KLHL40: variants seen among roughly 807,000 people sequenced by gnomAD.
KLHL40 encodes the protein kelch like family member 40.
Under a neutral mutation model 49.7 loss-of-function variants are expected in KLHL40, and 44 were observed. The ratio of observed to expected loss-of-function variants is 0.89; its 90% CI spans 0.70 to 1.14. The LOEUF (loss-of-function observed/expected upper bound fraction) is 1.14, where lower values mean the gene tolerates loss of function less well. KLHL40 is among the 50% of genes most tolerant of loss of function. The pLI is 0.00. For synonymous variants in KLHL40, 409 were observed against 365.2 expected, an observed-to-expected ratio of 1.12 and a Z score of -1.37; for missense variants, 892 against 850.3, an observed-to-expected ratio of 1.05 and a Z score of -0.61.
chr3:42,686,007 T>A lies in KLHL40; in HGVS notation c.389T>A (p.Leu130His), dbSNP rs2125844624. 6.2e-7 allele frequency: 1 copy of A among 1,611,054 alleles called. No homozygotes were observed. Among genetic ancestry groups the A allele is most frequent in the Non-Finnish European group, 8.5e-7 (1 of 1,179,944 alleles). ...TCCTTCCTGCAGAAGCGCCTGTGCC[T>A]CTCCAACTGCTTGGCCGTCTTCCGT... ...CVSFLQKRLC[L>H]SNCLAVFRLG... The change falls in exon 1 of 6, where the codon CTC becomes CAC. Residue 130 changes from leucine (L) to histidine (H), a missense_variant. By Grantham distance (99) the Leu-to-His change is moderately conservative (BLOSUM62 -3). Coordinates refer to ENST00000287777, the MANE Select transcript of KLHL40 (RefSeq NM_152393.4).
In KLHL40 at chr3:42,690,846, C is replaced by T. The variant is rs1189334321; in HGVS notation, c.1608-13C>T. 1 of 1,584,384 alleles carries T rather than the reference C, an allele frequency of 6.3e-7. No individual in the cohort carries two copies. Among genetic ancestry groups the T allele is most frequent in the East Asian group, 2.2e-5 (1 of 44,494 alleles). On this transcript the variant is annotated splice_polypyrimidine_tract_variant and intron_variant, in intron 4 of 5. Coordinates refer to ENST00000287777, the MANE Select transcript of KLHL40 (RefSeq NM_152393.4). ...GAGGCATCCCAATGATGCACCTTCT[C>T]ACACACCCCCAGGTGGGCACCCTTC...
chr3:42,686,247 A>C lies in KLHL40; in HGVS notation c.629A>C (p.Gln210Pro). ...GCGGGTAGCGGCGACGCCGAGGCGCAGGCTGAGCGCCAGCGCGCGCTGCCC... is the reference window on the plus strand; with the variant it reads ...GCGGGTAGCGGCGACGCCGAGGCGCCGGCTGAGCGCCAGCGCGCGCTGCCC... ...RWAGSGDAEA[Q>P]AERQRALPTV... Residue 210 changes from glutamine (Q) to proline (P), a missense_variant, in exon 1 of 6, where the codon CAG becomes CCG. Transcript: ENST00000287777. 1 of 1,554,438 alleles carries C rather than the reference A, an allele frequency of 6.4e-7. No individual in the cohort carries two copies. Among genetic ancestry groups the C allele is most frequent in the Non-Finnish European group, 8.7e-7 (1 of 1,151,188 alleles).
chr3:42,686,760 A>G lies in KLHL40; in HGVS notation c.1142A>G (p.Tyr381Cys), dbSNP rs764763973. Residue 381 changes from tyrosine (Y) to cysteine (C), a missense_variant, in exon 1 of 6, where the codon TAC becomes TGC. Coordinates refer to ENST00000287777, the MANE Select transcript of KLHL40 (RefSeq NM_152393.4). ...AACAAAGAGGACCCCATGAGCGCATACTTCCTGCAGGTGCCTGACCAGCCT... is the reference window on the plus strand; with the variant it reads ...AACAAAGAGGACCCCATGAGCGCATGCTTCCTGCAGGTGCCTGACCAGCCT... ...EDNKEDPMSAYFLQFDHLDSE... is the reference protein window; with the variant it reads ...EDNKEDPMSACFLQFDHLDSE... 9.9e-6 allele frequency: 16 copies of G among 1,608,454 alleles called. No individual in the cohort carries two copies. The South Asian group carries it at 1.8e-4, about 18-fold the overall frequency.
Position 42,692,019 on chromosome 3 carries a change from A to T in KLHL40, c.*26A>T. 7.2e-7 allele frequency: 1 copy of T among 1,388,882 alleles called. No homozygotes were observed. Among genetic ancestry groups the T allele is most frequent in the Non-Finnish European group, 1.0e-6 (1 of 975,608 alleles). The allele number at this position is 1,388,882 out of a possible 1,614,324, so 86.0% of individuals were successfully genotyped here. On this transcript the variant is annotated 3_prime_UTR_variant, in exon 6 of 6. Coordinates refer to ENST00000287777, the MANE Select transcript of KLHL40 (RefSeq NM_152393.4). ...CCAGCTCAGGCAGACTGAACTAAGC[A>T]CCCCTCCCATCCTGCGACCCTCACT...
At position 42,688,305 on chromosome 3, in the gene KLHL40, G is replaced by T; in HGVS notation, c.1313+3G>T. 1 of 1,613,888 alleles carries T rather than the reference G, an allele frequency of 6.2e-7. No individual in the cohort carries two copies. The highest frequency in any genetic ancestry group is 2.2e-5 in the East Asian group (1 of 44,864). On this transcript the variant is annotated splice_donor_region_variant and intron_variant, in intron 2 of 5. Transcript: ENST00000287777. This position sits in a 1 kb window ranked among gnomAD's most constrained non-coding sequence, Gnocchi z 4.2. ...TCGGTCATGTGCTACGACAGGCTGT[G>T]AGCATGGCTGGGGTGGGGCTGAGCT...
chr3:42,691,019 T>C lies in KLHL40; in HGVS notation c.1754+14T>C. On this transcript the variant is annotated intron_variant, in intron 5 of 5. Transcript: ENST00000287777. ...TGACATCTGGAGGTGAGTCCCACCC[T>C]GGGGAGGCAAGGGGGCATCATGAGC... is the stretch of plus-strand genomic sequence containing the variant. The C allele has an allele frequency of 6.3e-7, 1 of 1,594,232 alleles. No individual in the cohort carries two copies. Among genetic ancestry groups the C allele is most frequent in the South Asian group, 1.1e-5 (1 of 88,084 alleles).
Position 42,686,382 on chromosome 3 carries a change from A to AGATGGTGAAG in KLHL40, c.769_778dup (p.Ala260GlyfsTer28). ...CAGCCCGAGTTGCTGCGCAAGGTGC[A>AGATGGTGAAG]GATGGTGAAGGATGCACACGAGGGC... On this transcript the variant is annotated frameshift_variant, in exon 1 of 6. Coordinates refer to ENST00000287777, the MANE Select transcript of KLHL40 (RefSeq NM_152393.4). LOFTEE classifies it high-confidence loss of function. 2 of 1,613,494 alleles carry AGATGGTGAAG rather than the reference A, an allele frequency of 1.2e-6. No individual in the cohort carries two copies. The highest frequency in any genetic ancestry group is 1.7e-6 in the Non-Finnish European group (2 of 1,179,982).
intron 1 of KLHL40, among the ~76,000 whole-genome samples, chr3:42,687,444 C>A (rs1362809927): frequency 6.6e-6 from 1 of 152,066 alleles, no homozygotes; most frequent in Non-Finnish European, 1.5e-5. Flanking sequence ...AGAGGGGTGA[C>A]AGGCGCTTGG....
chr3:42,691,447 A>G (rs73085372), intron 5 of KLHL40, among the ~76,000 whole-genome samples: 43,540 of 151,880 alleles, frequency 0.29, 6,330 homozygotes, highest in Middle Eastern at 0.36. Flanking sequence ...GGAGAAGGAA[A>G]CTTTAGCCTC....
Position 42,690,903 on chromosome 3 carries a change from G to A in KLHL40, c.1652G>A (p.Ser551Asn), listed in dbSNP as rs373194829. The change falls in exon 5 of 6, where the codon AGC (serine) becomes AAC (asparagine). Residue 551 changes from serine (S) to asparagine (N), a missense_variant. Physicochemically the swap from Ser to Asn is conservative, Grantham distance 46 (BLOSUM62 1). Transcript: ENST00000287777. The stretch of plus-strand genomic sequence containing the variant: ...TTCCCACAGGAGCGTAGCTCACTCA[G>A]CCTGGTCAGCCTGGTGGGTACCCTC... ...EAFPQERSSLSLVSLVGTLYA... is the reference protein window; with the variant it reads ...EAFPQERSSLNLVSLVGTLYA... 3 of 1,613,512 alleles carry A rather than the reference G, an allele frequency of 1.9e-6. No homozygotes were observed. The African/African-American group carries it at 4.0e-5, about 22-fold the overall frequency.
intron 1 of KLHL40, among the ~76,000 whole-genome samples, chr3:42,687,628 A>G (rs896643822): frequency 1.3e-5 from 2 of 152,180 alleles, no homozygotes; most frequent in South Asian, 2.1e-4. Flanking sequence ...TGATGCTTAT[A>G]AAGTGCTCAT....
rs778565563 is a variant in KLHL40, at chr3:42,685,718, G to C, written c.100G>C (p.Asp34His). 36 of 1,613,046 alleles carry C rather than the reference G, an allele frequency of 2.2e-5. No homozygotes were observed. The highest frequency in any genetic ancestry group is 3.0e-5 in the Non-Finnish European group (35 of 1,179,828). ...KDMLDHGKFLDCVVRAGEREF... is the reference protein window; with the variant it reads ...KDMLDHGKFLHCVVRAGEREF... ...CATGCTGGACCATGGCAAGTTCCTC[G>C]ACTGTGTGGTGCGGGCGGGCGAGCG... The change falls in exon 1 of 6, where the codon GAC becomes CAC. Residue 34 changes from aspartate to histidine, a missense_variant. Transcript: ENST00000287777.
At chr3:42,689,123 G>A in intron 4 of KLHL40, 69 bp downstream of exon 4, 1 of 1,383,512 alleles carries the variant, frequency 7.2e-7, no homozygotes, top group Non-Finnish European at 1.0e-6. Flanking sequence ...CCCAGCAGGA[G>A]CTGCAGTCCC....
chr3:42,688,285 C>T lies in KLHL40; in HGVS notation c.1296C>T (p.Val432=). ...IKDGERCLDS[V]MCYDRLSFKW... ...ACGGCGAGCGCTGCCTGGACTCGGTCATGTGCTACGACAGGCTGTGAGCAT... is the reference window on the plus strand; with the variant it reads ...ACGGCGAGCGCTGCCTGGACTCGGTTATGTGCTACGACAGGCTGTGAGCAT... The change falls in exon 2 of 6, where the codon GTC becomes GTT. Residue 432 remains valine, a synonymous_variant. Transcript: ENST00000287777. This position sits in a 1 kb window ranked among gnomAD's most constrained non-coding sequence, Gnocchi z 4.2. The T allele has an allele frequency of 6.2e-7, 1 of 1,613,796 alleles. No homozygotes were observed. The highest frequency in any genetic ancestry group is 8.5e-7 in the Non-Finnish European group (1 of 1,179,994).
chr3:42,688,526 TGGATGGGC>T lies in KLHL40; in HGVS notation c.1314-76_1314-69del. The T allele has an allele frequency of 9.1e-7, 1 of 1,101,034 alleles. No homozygotes were observed. Among genetic ancestry groups the T allele is most frequent in the Non-Finnish European group, 1.4e-6 (1 of 732,484 alleles). The allele number at this position is 1,101,034 out of a possible 1,614,324, so 68.2% of individuals were successfully genotyped here. On this transcript the variant is annotated intron_variant, in intron 2 of 5. Coordinates refer to ENST00000287777, the MANE Select transcript of KLHL40 (RefSeq NM_152393.4). This position sits in a 1 kb window ranked among gnomAD's most constrained non-coding sequence, Gnocchi z 4.2. ...TGACGCATCTCGAATATGTGTTAGG[TGGATGGGC>T]GGATGGGTGCAGAGACAGGGACTGA...
At position 42,688,811 on chromosome 3, in the gene KLHL40, A is replaced by C. The variant is rs1452886026; in HGVS notation, c.1422-58A>C. The C allele has an allele frequency of 6.3e-7, 1 of 1,583,928 alleles. No individual in the cohort carries two copies. The highest frequency in any genetic ancestry group is 2.2e-5 in the East Asian group (1 of 44,644). ...CCTGGCTGCCCCGGCAGGTGATTGCAGGGAGGCGTGGCTGGGCTCCTGCTT... is the reference window on the plus strand; with the variant it reads ...CCTGGCTGCCCCGGCAGGTGATTGCCGGGAGGCGTGGCTGGGCTCCTGCTT... On this transcript the variant is annotated intron_variant, in intron 3 of 5. Coordinates refer to ENST00000287777, the MANE Select transcript of KLHL40 (RefSeq NM_152393.4). This position sits in a 1 kb window ranked among gnomAD's most constrained non-coding sequence, Gnocchi z 4.2.
In KLHL40 at chr3:42,686,291, C is replaced by G; in HGVS notation, c.673C>G (p.Arg225Gly). 2 of 1,582,922 alleles carry G rather than the reference C, an allele frequency of 1.3e-6. No homozygotes were observed. The highest frequency in any genetic ancestry group is 1.7e-6 in the Non-Finnish European group (2 of 1,164,768). The stretch of plus-strand genomic sequence containing the variant: ...GCTGCCCACCGTCTTCGAGAGCGTG[C>G]GCTGCCGCTTGCTGCCGCGCGCCTT... The part of the protein sequence containing the change: ...RALPTVFESV[R>G]CRLLPRAFLE... The change falls in exon 1 of 6, where the codon CGC becomes GGC. Residue 225 changes from arginine to glycine, a missense_variant. Transcript: ENST00000287777.
chr3:42,688,584 C>T lies in KLHL40; in HGVS notation c.1314-26C>T, dbSNP rs2125845443. On this transcript the variant is annotated intron_variant, in intron 2 of 5. Coordinates refer to ENST00000287777, the MANE Select transcript of KLHL40 (RefSeq NM_152393.4). This position sits in a 1 kb window ranked among gnomAD's most constrained non-coding sequence, Gnocchi z 4.2. ...AGCCGAGCCTGGATGGGTGCCCTCC[C>T]CCACCCCCACTCCCGTCTCCTCCAG... 6.4e-7 allele frequency: 1 copy of T among 1,561,932 alleles called. No homozygotes were observed. The highest frequency in any genetic ancestry group is 8.8e-7 in the Non-Finnish European group (1 of 1,134,000).
In KLHL40 at chr3:42,688,975, G is replaced by A. The variant is rs2125845594; in HGVS notation, c.1528G>A (p.Gly510Ser). 2 of 1,614,176 alleles carry A rather than the reference G, an allele frequency of 1.2e-6. No homozygotes were observed. Among genetic ancestry groups the A allele is most frequent in the Non-Finnish European group, 1.7e-6 (2 of 1,180,016 alleles). The change falls in exon 4 of 6, where the codon GGC becomes AGC. Residue 510 changes from glycine to serine, a missense_variant. Gly to Ser is a moderately conservative substitution (Grantham distance 56). Transcript: ENST00000287777. This position sits in a 1 kb window ranked among gnomAD's most constrained non-coding sequence, Gnocchi z 4.2. ...ACTCTTTGGGGCCACTGTCCATGAT[G>A]GCCGCATTATCGTGGCAGCTGGGGT... ...RSLFGATVHDGRIIVAAGVTD... is the reference protein window; with the variant it reads ...RSLFGATVHDSRIIVAAGVTD...
Sources: allele counts gnomAD v4.1 joint callset (sites outside exome capture counted in the v4.1 genomes callset), GRCh38; gene constraint gnomAD v4.1.1; non-coding constraint Gnocchi (gnomAD v3.1); transcripts MANE v1.5; gene names NCBI Gene and HGNC (gene_info 2026-07-23, HGNC 2026-07-21).